Variants in SH3GL2 observed in about 807,000 individuals in gnomAD.
SH3GL2 encodes SH3 domain containing GRB2 like 2, endophilin A1, also known as endophilin-A1.
Under a neutral mutation model 46.0 loss-of-function variants are expected in SH3GL2, and 24 were observed. The ratio of observed to expected loss-of-function variants is 0.52; its 90% CI spans 0.38 to 0.73. The LOEUF (loss-of-function observed/expected upper bound fraction) is 0.73, where lower values mean the gene tolerates loss of function less well. Ranked by LOEUF, SH3GL2 falls within the 30% of genes least tolerant of loss-of-function variation. The probability of loss-of-function intolerance (pLI) is 0.00; values close to 1 mark genes in which losing one functional copy is unlikely to be tolerated. For missense variants in SH3GL2, 413 were observed against 424.2 expected (o/e 0.97, Z 0.23); for synonymous variants, 196 against 147.1 (o/e 1.33, Z -2.40).
intron 1 of SH3GL2, among the ~76,000 whole-genome samples, chr9:17,601,716 A>T (rs903096401): frequency 6.6e-6 from 1 of 152,122 alleles, no homozygotes; most frequent in African/African-American, 2.4e-5. Flanking sequence ...AGTTCTCTGG[A>T]ATGCTTAAAT....
intron 1 of SH3GL2, among the ~76,000 whole-genome samples, chr9:17,730,555 T>G (rs1822149969): frequency 6.6e-6 from 1 of 152,202 alleles, no homozygotes; most frequent in African/African-American, 2.4e-5. Flanking sequence ...AAGTGAATGC[T>G]GCCAGCTTTT....
At chr9:17,582,626 T>C (rs1818298071) in intron 1 of SH3GL2, among the ~76,000 whole-genome samples, 1 of 152,216 alleles carries the variant, frequency 6.6e-6, no homozygotes, top group Non-Finnish European at 1.5e-5. Context: ...AAGTAAAATA[T>C]ATTAGGTCAT....
intron 1 of SH3GL2, among the ~76,000 whole-genome samples, chr9:17,682,528 G>T (rs763858524): frequency 1.3e-3 from 194 of 152,152 alleles, no homozygotes; most frequent in Non-Finnish European, 1.5e-3. Context: ...ACACAGGGAG[G>T]GGAACCAACA....
chr9:17,613,004 C>A (rs1000951799), intron 1 of SH3GL2, among the ~76,000 whole-genome samples: 1 of 152,200 alleles, frequency 6.6e-6, no homozygotes, highest in African/African-American at 2.4e-5. Flanking sequence ...TAGCGTGTAT[C>A]AATGCTTCAT....
chr9:17,699,926 A>G (rs188816097), intron 1 of SH3GL2, among the ~76,000 whole-genome samples: 1 of 152,328 alleles, frequency 6.6e-6, no homozygotes, highest in East Asian at 1.9e-4. Context: ...TGCTGTATCA[A>G]AAGGTTTACC....
At chr9:17,666,208 T>A (rs1820337268) in intron 1 of SH3GL2, among the ~76,000 whole-genome samples, 1 of 151,984 alleles carries the variant, frequency 6.6e-6, no homozygotes, top group Non-Finnish European at 1.5e-5. Flanking sequence ...AGTTCCTTTT[T>A]TCCTCTCTTC....
chr9:17,658,319 C>A (rs1261923839), intron 1 of SH3GL2, among the ~76,000 whole-genome samples: 2 of 152,250 alleles, frequency 1.3e-5, no homozygotes, highest in African/African-American at 4.8e-5. Context: ...ATTTCTGATA[C>A]CTGTTTTAGT....
intron 1 of SH3GL2, among the ~76,000 whole-genome samples, chr9:17,652,733 T>A (rs1272982251): frequency 6.6e-6 from 1 of 152,190 alleles, no homozygotes; most frequent in East Asian, 1.9e-4. Context: ...GATTTTCAGA[T>A]TACAGATGCT....
intron 1 of SH3GL2, among the ~76,000 whole-genome samples, chr9:17,645,151 CTT>C (rs57611978): frequency 5.5e-4 from 38 of 68,750 alleles, no homozygotes; most frequent in African/African-American, 1.3e-3. Flanking sequence ...GCAAACGCTG[CTT>C]TTTTTTTTTT....
In SH3GL2 at chr9:17,743,482, G is replaced by A. The variant is rs1039574113; in HGVS notation, c.46-3584G>A. Among the ~76,000 whole-genome samples, 3 of 151,820 alleles carry A rather than the reference G, an allele frequency of 2.0e-5. No homozygotes were observed. In the East Asian group the frequency reaches 5.8e-4, roughly 30 times the overall value. On this transcript the variant is annotated intron_variant, in intron 1 of 8. Transcript: ENST00000380607. The stretch of plus-strand genomic sequence containing the variant: ...CTCAAATGTCAGTTTTTATAGAGAA[G>A]AGGAAAGCTCTCTCTTGTTCGCATT...
At chr9:17,657,706 C>T (rs573176483) in intron 1 of SH3GL2, among the ~76,000 whole-genome samples, 129 of 143,890 alleles carry the variant, frequency 9.0e-4, no homozygotes, top group African/African-American at 3.3e-3. Context: ...ATTTCACCTC[C>T]CTATGCTCTG....
chr9:17,733,190 A>G (rs1035967679), intron 1 of SH3GL2, among the ~76,000 whole-genome samples: 17 of 152,140 alleles, frequency 1.1e-4, no homozygotes, highest in Admixed American at 1.3e-4. Flanking sequence ...CATTTTGCCA[A>G]AGCAAAACGA....
At chr9:17,649,987 GA>G (rs1476727481) in intron 1 of SH3GL2, among the ~76,000 whole-genome samples, 1 of 152,112 alleles carries the variant, frequency 6.6e-6, no homozygotes, top group Non-Finnish European at 1.5e-5. Flanking sequence ...AATCTAAAAA[GA>G]AAAGCCTTCA....
chr9:17,635,838 G>A (rs187265219), intron 1 of SH3GL2, among the ~76,000 whole-genome samples: 3 of 152,304 alleles, frequency 2.0e-5, no homozygotes, highest in Admixed American at 2.0e-4. Flanking sequence ...TCCAACTCAA[G>A]TTGAGTATTA....
At chr9:17,648,537 G>A (rs967038529) in intron 1 of SH3GL2, among the ~76,000 whole-genome samples, 1 of 152,082 alleles carries the variant, frequency 6.6e-6, no homozygotes, top group Non-Finnish European at 1.5e-5. Context: ...CTTAGCATTG[G>A]TAAATGAATT....
chr9:17,619,340 AT>A (rs1341519730), intron 1 of SH3GL2, among the ~76,000 whole-genome samples: 4 of 152,114 alleles, frequency 2.6e-5, no homozygotes, highest in Admixed American at 6.5e-5. Flanking sequence ...TGTCTTAAAT[AT>A]TTTCAAAAAA....
At chr9:17,739,869 T>TA (rs1023222227) in intron 1 of SH3GL2, among the ~76,000 whole-genome samples, 4 of 152,114 alleles carry the variant, frequency 2.6e-5, no homozygotes, top group African/African-American at 9.7e-5. Flanking sequence ...TTATTACTTT[T>TA]AACCCCAGTG....
intron 1 of SH3GL2, among the ~76,000 whole-genome samples, chr9:17,667,263 A>G (rs533769578): frequency 6.6e-6 from 1 of 152,256 alleles, no homozygotes; most frequent in South Asian, 2.1e-4. Flanking sequence ...CAATTCAGTG[A>G]TATTTAGCAT....
intron 1 of SH3GL2, among the ~76,000 whole-genome samples, chr9:17,602,424 G>A (rs1367668613): frequency 1.3e-5 from 2 of 152,050 alleles, no homozygotes; most frequent in African/African-American, 2.4e-5. Flanking sequence ...AAAGACTTTT[G>A]CTTTCCTCTT....
Sources: gnomAD v4.1 joint callset for allele counts (sites outside exome capture counted in the v4.1 genomes callset) on GRCh38, gnomAD v4.1.1 for gene constraint, MANE v1.5 for transcripts, NCBI Gene and HGNC (gene_info 2026-07-23, HGNC 2026-07-21) for gene names.